NALF1: variants seen among roughly 807,000 people sequenced by gnomAD.
NALF1 encodes the protein family with sequence similarity 155 member A.
In NALF1, 3 loss-of-function variants were observed where a neutral mutation model predicts 48.4. That is an observed-to-expected ratio of 0.06 (90% CI 0.03 to 0.16). NALF1 has a LOEUF of 0.16. NALF1 is among the 10% of genes least tolerant of loss of function. NALF1 has a pLI of 1.00. For synonymous variants in NALF1, 262 were observed against 245.7 expected (o/e 1.07, Z -0.62); for missense variants, 526 against 571.5 (o/e 0.92, Z 0.81).
chr13:107,372,566 TCAA>T (rs1176174584), intron 1 of NALF1, among the ~76,000 whole-genome samples: 1 of 152,208 alleles, frequency 6.6e-6, no homozygotes, highest in Non-Finnish European at 1.5e-5. Context: ...TAATGAAATT[TCAA>T]CAACAAAATA....
intron 1 of NALF1, among the ~76,000 whole-genome samples, chr13:107,797,591 A>C (rs1001892589): frequency 1.3e-5 from 2 of 152,238 alleles, no homozygotes; most frequent in African/African-American, 2.4e-5. Context: ...TGTACGATAC[A>C]TGAGTCAGTG....
At chr13:107,765,052 C>T (rs1212512493) in intron 1 of NALF1, among the ~76,000 whole-genome samples, 2 of 152,090 alleles carry the variant, frequency 1.3e-5, no homozygotes, top group Admixed American at 6.6e-5. Flanking sequence ...TCCTCACCCA[C>T]GGAAAGAGAC....
chr13:107,728,424 A>C lies in NALF1; in HGVS notation c.915+137258T>G, dbSNP rs1483849481. 2.0e-5 allele frequency among the ~76,000 whole-genome samples: 3 copies of C among 152,250 alleles called. No individual in the cohort carries two copies. The East Asian group carries it at 5.8e-4, about 29-fold the overall frequency. On this transcript the variant is annotated intron_variant, in intron 1 of 2. Transcript: ENST00000375915. ...GGAAACCATCATTCTCAGCAAACTA[A>C]CACAGGAACAGAAAACCAAACACCA...
intron 1 of NALF1, among the ~76,000 whole-genome samples, chr13:107,645,315 T>C (rs1748371241): frequency 6.6e-6 from 1 of 152,146 alleles, no homozygotes; most frequent in Admixed American, 6.6e-5. Context: ...CAAAGTGTTT[T>C]TCAGTGTGCA....
chr13:107,757,344 C>A (rs370848280), intron 1 of NALF1, among the ~76,000 whole-genome samples: 1 of 150,160 alleles, frequency 6.7e-6, no homozygotes, highest in East Asian at 2.0e-4. Context: ...GGAGAAACAG[C>A]AATTTTGGAG....
At chr13:107,385,487 A>C (rs1226756245) in intron 1 of NALF1, among the ~76,000 whole-genome samples, 1 of 142,854 alleles carries the variant, frequency 7.0e-6, no homozygotes, top group Non-Finnish European at 1.5e-5. Flanking sequence ...CAGGAGGTGG[A>C]GGTTGCAGTG....
At chr13:107,410,736 G>A (rs1333639896) in intron 1 of NALF1, among the ~76,000 whole-genome samples, 3 of 152,074 alleles carry the variant, frequency 2.0e-5, no homozygotes, top group Non-Finnish European at 4.4e-5. Flanking sequence ...TACCTCAGCT[G>A]TACCCTATGT....
At chr13:107,343,035 G>GACATGTATAAA (rs1882710341) in intron 1 of NALF1, among the ~76,000 whole-genome samples, 3 of 152,172 alleles carry the variant, frequency 2.0e-5, no homozygotes, top group African/African-American at 7.2e-5. Context: ...GAACTTAACA[G>GACATGTATAAA]ACATGTATAA....
At chr13:107,625,683 T>C (rs777299225) in intron 1 of NALF1, among the ~76,000 whole-genome samples, 3 of 152,156 alleles carry the variant, frequency 2.0e-5, no homozygotes. Context: ...GCCATTCATC[T>C]ATCTTCCAGG....
chr13:107,429,721 A>G (rs1184574717), intron 1 of NALF1, among the ~76,000 whole-genome samples: 4 of 151,312 alleles, frequency 2.6e-5, no homozygotes. Context: ...GACCGAATCA[A>G]AATCCAAAGT....
chr13:107,818,064 A>C (rs558687543), intron 1 of NALF1, among the ~76,000 whole-genome samples: 1 of 152,330 alleles, frequency 6.6e-6, no homozygotes, highest in Non-Finnish European at 1.5e-5. Context: ...TTCTCCCTTC[A>C]GGTCATACGG....
At chr13:107,782,813 T>G (rs1418591684) in intron 1 of NALF1, among the ~76,000 whole-genome samples, 1 of 144,736 alleles carries the variant, frequency 6.9e-6, no homozygotes, top group African/African-American at 2.6e-5. Context: ...GCCCCTCCGC[T>G]TGGCAACCGC....
At chr13:107,269,137 G>A (rs530929814) in intron 1 of NALF1, among the ~76,000 whole-genome samples, 2 of 151,324 alleles carry the variant, frequency 1.3e-5, no homozygotes, top group South Asian at 2.1e-4. Flanking sequence ...ACTCCAGCCC[G>A]GGAGACACAG....
intron 1 of NALF1, among the ~76,000 whole-genome samples, chr13:107,722,983 A>G (rs1876032350): frequency 6.6e-6 from 1 of 152,212 alleles, no homozygotes; most frequent in Non-Finnish European, 1.5e-5. Flanking sequence ...GAAAATGTAG[A>G]ATTTTCCACG....
rs183333988 is a variant in NALF1 at position 107,767,299 on chromosome 13, G to A, written c.915+98383C>T. Among the ~76,000 whole-genome samples, 3 of 152,220 alleles carry A rather than the reference G, an allele frequency of 2.0e-5. No homozygotes were observed. The East Asian group carries it at 5.8e-4, about 29-fold the overall frequency. ...ATTGGCTTGTCACTTCCTGTCACTT[G>A]CCTCCAGGGCCAGATGAAATTAAGT... On this transcript the variant is annotated intron_variant, in intron 1 of 2. Coordinates refer to ENST00000375915, the MANE Select transcript of NALF1 (RefSeq NM_001080396.3).
At chr13:107,852,076 A>G (rs1467085259) in intron 1 of NALF1, among the ~76,000 whole-genome samples, 3 of 151,964 alleles carry the variant, frequency 2.0e-5, no homozygotes, top group Non-Finnish European at 2.9e-5. Flanking sequence ...TGCTGGGATT[A>G]CAGGTATGAG....
At chr13:107,730,636 T>C (rs1213115306) in intron 1 of NALF1, among the ~76,000 whole-genome samples, 1 of 152,218 alleles carries the variant, frequency 6.6e-6, no homozygotes, top group African/African-American at 2.4e-5. Context: ...AAACAATTTT[T>C]ACATCACATG....
chr13:107,503,723 A>G (rs1256789140), intron 1 of NALF1, among the ~76,000 whole-genome samples: 2 of 149,282 alleles, frequency 1.3e-5, no homozygotes, highest in East Asian at 4.0e-4. Context: ...GGGCAAATGA[A>G]TAAAGAAAAT....
At chr13:107,399,214 G>A (rs964044526) in intron 1 of NALF1, among the ~76,000 whole-genome samples, 1 of 152,036 alleles carries the variant, frequency 6.6e-6, no homozygotes, top group Non-Finnish European at 1.5e-5. Flanking sequence ...GGAGGTAGGG[G>A]GTTGTATACA....
Sources: allele counts gnomAD v4.1 joint callset (sites outside exome capture counted in the v4.1 genomes callset), GRCh38; gene constraint gnomAD v4.1.1; transcripts MANE v1.5; gene names NCBI Gene and HGNC (gene_info 2026-07-23, HGNC 2026-07-21).